IDE: variants seen among roughly 807,000 people sequenced by gnomAD.
IDE encodes insulin-degrading enzyme.
A neutral mutation model predicts 133.2 loss-of-function variants in IDE; 58 were observed. The ratio of observed to expected loss-of-function variants is 0.44; its 90% CI spans 0.35 to 0.54. The LOEUF (loss-of-function observed/expected upper bound fraction) is 0.54, where lower values mean the gene tolerates loss of function less well. Among genes scored for constraint, IDE ranks in the 20% least tolerant of loss-of-function variants. The probability of loss-of-function intolerance (pLI) is 0.00; values close to 1 mark genes in which losing one functional copy is unlikely to be tolerated. For missense variants in IDE, 981 were observed against 1,234.0 expected (o/e 0.79, Z 3.07); for synonymous variants, 396 against 421.3 (o/e 0.94, Z 0.73).
chr10:92,538,717 G>A (rs531330091), intron 1 of IDE, among the ~76,000 whole-genome samples: 3 of 151,398 alleles, frequency 2.0e-5, no homozygotes, highest in Non-Finnish European at 2.9e-5. Flanking sequence ...TCTGGGGTAC[G>A]CATGTTTTTT....
chr10:92,566,438 C>CA, intron 1 of IDE, among the ~76,000 whole-genome samples: 1 of 151,392 alleles, frequency 6.6e-6, no homozygotes. Context: ...CACACACACA[C>CA]AACATAGGCA....
At chr10:92,515,088 G>GAGCTGAAAACCA in intron 4 of IDE, 46 bp from the exon 5 acceptor site, 1 of 1,498,350 alleles carries the variant, frequency 6.7e-7, no homozygotes, top group Non-Finnish European at 9.1e-7. Flanking sequence ...AAAATATGTG[G>GAGCTGAAAACCA]ACTTTTAAAG....
chr10:92,571,099 C>A (rs190038292), intron 1 of IDE, among the ~76,000 whole-genome samples: 1 of 151,838 alleles, frequency 6.6e-6, no homozygotes, highest in Admixed American at 6.6e-5. Flanking sequence ...CCTGCCTCAG[C>A]CTCCCGGGTT....
chr10:92,536,296 T>C (rs543022095), intron 2 of IDE, among the ~76,000 whole-genome samples: 4 of 150,480 alleles, frequency 2.7e-5, no homozygotes, highest in African/African-American at 7.4e-5. Context: ...GGCAGGAAGA[T>C]TGCTTGAACC....
chr10:92,538,024 C>A (rs1359015626), intron 1 of IDE, among the ~76,000 whole-genome samples: 3 of 152,042 alleles, frequency 2.0e-5, no homozygotes, highest in African/African-American at 7.2e-5. Context: ...AGGCACTCAA[C>A]ACCACACCCA....
At chr10:92,493,401 T>A (rs1313066013) in intron 11 of IDE, among the ~76,000 whole-genome samples, 1 of 151,032 alleles carries the variant, frequency 6.6e-6, no homozygotes, top group African/African-American at 2.4e-5. Flanking sequence ...TTCTTTTTTT[T>A]TTTTTTTAGA....
At chr10:92,490,227 T>G (rs1157570520) in intron 12 of IDE, among the ~76,000 whole-genome samples, 1 of 152,242 alleles carries the variant, frequency 6.6e-6, no homozygotes, top group East Asian at 1.9e-4. Flanking sequence ...CCTGTGCCCA[T>G]GTACTCTGCA....
At chr10:92,540,464 G>A (rs76415037) in intron 1 of IDE, among the ~76,000 whole-genome samples, 4,814 of 152,198 alleles carry the variant, frequency 0.032, 104 homozygotes, top group Non-Finnish European at 0.051. Context: ...AGCAAGAAGG[G>A]CAGTGTTAAA....
At chr10:92,532,201 A>G (rs1849968260) in intron 3 of IDE, among the ~76,000 whole-genome samples, 1 of 151,834 alleles carries the variant, frequency 6.6e-6, no homozygotes, top group Admixed American at 6.6e-5. Context: ...TATGGACAAT[A>G]GCAGTCTATT....
chr10:92,507,437 T>G, intron 9 of IDE, 138 bp downstream of exon 9: 1 of 646,952 alleles, frequency 1.5e-6, no homozygotes, highest in South Asian at 1.8e-5. Context: ...CTAATACTAT[T>G]ATACATTGCA....
rs369320053 is a variant in IDE at position 92,521,923 on chromosome 10, A to G, written c.662-6881T>C. ...TACTGAAATATTTATGAGCAAAATG[A>G]TATCTAGAATCTCTTCAAAATAATA... On this transcript the variant is annotated intron_variant, in intron 4 of 24. Transcript: ENST00000265986. 1.1e-4 allele frequency among the ~76,000 whole-genome samples: 16 copies of G among 152,134 alleles called. No individual in the cohort carries two copies. In the East Asian group the frequency reaches 1.3e-3, roughly 13 times the overall value.
rs186106740 is a variant in IDE, at chr10:92,496,544, G to C, written c.1431-5949C>G. Among the ~76,000 whole-genome samples, 14 of 152,296 alleles carry C rather than the reference G, an allele frequency of 9.2e-5. No individual in the cohort carries two copies. The East Asian group carries it at 2.7e-3, about 29-fold the overall frequency. ...CTCATGCCTGTAATCTCAACAATTT[G>C]GGAGGCTGAGGCCGGTGGATCACTT... On this transcript the variant is annotated intron_variant, in intron 11 of 24. Coordinates refer to ENST00000265986, the MANE Select transcript of IDE (RefSeq NM_004969.4).
intron 4 of IDE, among the ~76,000 whole-genome samples, chr10:92,518,988 TG>T (rs1255473827): frequency 6.6e-6 from 1 of 152,210 alleles, no homozygotes; most frequent in Admixed American, 6.5e-5. Context: ...GAGAATGATC[TG>T]GCAAATGTCT....
rs1299289006 is a variant in IDE at position 92,451,921 on chromosome 10, T to G, written c.*2523A>C. On this transcript the variant is annotated 3_prime_UTR_variant, in exon 25 of 25. Transcript: ENST00000265986. ...AATATTTTTTCTATCCTTTTTATTT[T>G]CATCCCTGTAAGGGCAGGAACAAAT... is the stretch of plus-strand genomic sequence containing the variant. 6.6e-6 allele frequency: 1 copy of G among 152,258 alleles called. No individual in the cohort carries two copies. The highest frequency in any genetic ancestry group is 1.5e-5 in the Non-Finnish European group (1 of 68,048). 9.4% of individuals were successfully genotyped at this position (152,258 alleles called of 1,614,324 possible). A position where few individuals can be genotyped will look rare whatever the true frequency, so the allele number is the denominator to read the frequency against.
chr10:92,550,762 C>A (rs889475117), intron 1 of IDE, among the ~76,000 whole-genome samples: 1 of 151,800 alleles, frequency 6.6e-6, no homozygotes, highest in African/African-American at 2.4e-5. Flanking sequence ...CCCAGCTACT[C>A]AGGAGGCTGA....
chr10:92,506,882 T>C lies in IDE; in HGVS notation c.1246-360A>G, dbSNP rs376234740. Among the ~76,000 whole-genome samples, 30 of 152,240 alleles carry C rather than the reference T, an allele frequency of 2.0e-4. No individual in the cohort carries two copies. The South Asian group carries it at 5.6e-3, about 28-fold the overall frequency. ...CTTGTGAGATCCAACAATTCCACCA[T>C]AGATGATTTTGGTGACTCATTCAGA... is the stretch of plus-strand genomic sequence containing the variant. On this transcript the variant is annotated intron_variant, in intron 9 of 24. Coordinates refer to ENST00000265986, the MANE Select transcript of IDE (RefSeq NM_004969.4).
At chr10:92,473,439 C>T (rs1218923943) in intron 17 of IDE, among the ~76,000 whole-genome samples, 1 of 151,258 alleles carries the variant, frequency 6.6e-6, no homozygotes, top group East Asian at 1.9e-4. Context: ...TAATATTATA[C>T]TAGATACTAA....
chr10:92,481,100 A>T (rs1379236014), intron 14 of IDE, among the ~76,000 whole-genome samples: 1 of 152,206 alleles, frequency 6.6e-6, no homozygotes, highest in Non-Finnish European at 1.5e-5. Context: ...TAGCAGCTCA[A>T]AAACTTAAGG....
chr10:92,500,030 G>C (rs1345896108), intron 11 of IDE, among the ~76,000 whole-genome samples: 1 of 152,136 alleles, frequency 6.6e-6, no homozygotes, highest in Non-Finnish European at 1.5e-5. Context: ...GGGTGCAGTG[G>C]CTCATGCCTG....
Sources: allele counts gnomAD v4.1 joint callset (sites outside exome capture counted in the v4.1 genomes callset), GRCh38; gene constraint gnomAD v4.1.1; transcripts MANE v1.5; gene names NCBI Gene and HGNC (gene_info 2026-07-23, HGNC 2026-07-21).